ZNF300: variants seen among roughly 807,000 people sequenced by gnomAD.
ZNF300 encodes zinc finger protein 300.
ZNF300 carries 6 observed loss-of-function variants against 13.9 expected under a neutral mutation model. The observed-to-expected ratio is 0.43, with a 90% CI of 0.24 to 0.85. The LOEUF (loss-of-function observed/expected upper bound fraction) is 0.85. Among genes scored for constraint, ZNF300 ranks in the 40% least tolerant of loss-of-function variants. The pLI, the probability that ZNF300 is intolerant of heterozygous loss-of-function variation, is 0.25. For synonymous variants in ZNF300, 237 were observed against 242.2 expected (o/e 0.98, Z 0.20); for missense variants, 662 against 714.2 (o/e 0.93, Z 0.83).
At chr5:150,900,499 A>C (rs968950490) in intron 3 of ZNF300, 1 of 152,038 alleles carries the variant, frequency 6.6e-6, no homozygotes, top group African/African-American at 2.4e-5. Flanking sequence ...TCTGCTACAG[A>C]ACTTTTATGT....
chr5:150,902,331 TAAGA>T (rs1755019951), intron 3 of ZNF300, among the ~76,000 whole-genome samples: 2 of 152,192 alleles, frequency 1.3e-5, no homozygotes, highest in Non-Finnish European at 2.9e-5. Context: ...AAATATAATT[TAAGA>T]ATGGCTTTTT....
chr5:150,901,393 C>T (rs952248942), intron 3 of ZNF300, among the ~76,000 whole-genome samples: 3 of 151,986 alleles, frequency 2.0e-5, no homozygotes, highest in Admixed American at 1.3e-4. Context: ...GGAAATATAA[C>T]TTTGAAATCT....
At chr5:150,898,835 T>C (rs1416533892) in intron 3 of ZNF300, among the ~76,000 whole-genome samples, 1 of 151,906 alleles carries the variant, frequency 6.6e-6, no homozygotes, top group Non-Finnish European at 1.5e-5. Flanking sequence ...AAACAATGAA[T>C]AGTAAAGAGG....
Position 150,896,067 on chromosome 5 carries a change from G to GAA in ZNF300, c.1170_1171dup (p.Ser391PhefsTer7). 3.7e-6 allele frequency: 6 copies of GAA among 1,613,312 alleles called. No individual in the cohort carries two copies. The highest frequency in any genetic ancestry group is 5.1e-6 in the Non-Finnish European group (6 of 1,179,724). On this transcript the variant is annotated frameshift_variant, in exon 6 of 6. Transcript: ENST00000274599. LOFTEE classifies it low-confidence loss of function (END_TRUNC). ...GTGTATAATCAGCTGTGACTTCTGG[G>GAA]AAAAGGCCTTCCCACACTCTCTACA...
chr5:150,895,183 C>G lies in ZNF300; in HGVS notation c.*241G>C, dbSNP rs1331621177. On this transcript the variant is annotated 3_prime_UTR_variant, in exon 6 of 6. Coordinates refer to ENST00000274599, the MANE Select transcript of ZNF300 (RefSeq NM_052860.4). ...GACAATATTCTGTATGCTTAACTTG[C>G]TGTGCTGATCACTGAGTTCATAACT... is the stretch of plus-strand genomic sequence containing the variant. The G allele has an allele frequency of 2.5e-6, 1 of 395,766 alleles. No homozygotes were observed. Among genetic ancestry groups the G allele is most frequent in the Non-Finnish European group, 4.5e-6 (1 of 222,586 alleles). 24.5% of individuals were successfully genotyped at this position (395,766 alleles called of 1,614,324 possible). A position where few individuals can be genotyped will look rare whatever the true frequency, so the allele number is the denominator to read the frequency against.
chr5:150,895,975 A>G lies in ZNF300; in HGVS notation c.1264T>C (p.Ser422Pro), dbSNP rs1258447689. 3 of 1,613,496 alleles carry G rather than the reference A, an allele frequency of 1.9e-6. No individual in the cohort carries two copies. Among genetic ancestry groups the G allele is most frequent in the Admixed American group, 1.7e-5 (1 of 59,832 alleles). ...TECGKAFCEK[S>P]HLIIHKRIHT... ...ATTCTTTTATGTATAATGAGGTGGG[A>G]CTTCTCACAGAAGGCTTTCCCACAT... is the stretch of plus-strand genomic sequence containing the variant. The change falls in exon 6 of 6, where the codon TCC becomes CCC. Residue 422 changes from serine to proline, a missense_variant. Physicochemically the swap from Ser to Pro is moderately conservative, Grantham distance 74. Transcript: ENST00000274599.
chr5:150,903,474 T>C (rs776802679), intron 2 of ZNF300: 185 of 1,007,490 alleles, frequency 1.8e-4, no homozygotes, highest in Non-Finnish European at 2.6e-4. Context: ...CAACTTACTG[T>C]TCCCCTTGGG....
rs754025444 is a variant in ZNF300 at position 150,895,558 on chromosome 5, T to C, written c.1681A>G (p.Lys561Glu). The change falls in exon 6 of 6, where the codon AAG (lysine) becomes GAG (glutamate). Residue 561 changes from lysine (K) to glutamate (E), a missense_variant. Lys to Glu is a moderately conservative substitution (Grantham distance 56, BLOSUM62 1). Transcript: ENST00000274599. The stretch of plus-strand genomic sequence containing the variant: ...CTCTGATGTAAAACAAGGTCTGACT[T>C]CTGAGAAAAGGCCTTTCCACATTCA... Reference protein sequence around the residue: ...CAECGKAFSQKSDLVLHQRIH... With the variant: ...CAECGKAFSQESDLVLHQRIH... 6 of 1,613,466 alleles carry C rather than the reference T, an allele frequency of 3.7e-6. No homozygotes were observed.
At position 150,896,555 on chromosome 5, in the gene ZNF300, A is replaced by G; in HGVS notation, c.684T>C (p.Asn228=). The change falls in exon 6 of 6, where the codon AAT becomes AAC. Residue 228 remains asparagine (N), a synonymous_variant. Coordinates refer to ENST00000274599, the MANE Select transcript of ZNF300 (RefSeq NM_052860.4). ...CATTGTGAATCTTCTCAAGATTAGA[A>G]TTGGGCTCACTCTGGCTAGATGATT... The part of the protein sequence containing the change: ...GGKSSSQSEP[N]SNLEKIHNGV... 1 of 1,613,758 alleles carries G rather than the reference A, an allele frequency of 6.2e-7. No homozygotes were observed. Among genetic ancestry groups the G allele is most frequent in the Non-Finnish European group, 8.5e-7 (1 of 1,179,844 alleles).
intron 3 of ZNF300, among the ~76,000 whole-genome samples, chr5:150,901,492 A>C (rs994576648): frequency 2.0e-5 from 3 of 152,070 alleles, no homozygotes; most frequent in Non-Finnish European, 2.9e-5. Context: ...ATTAGACAGC[A>C]CGGCTCTAAA....
At chr5:150,899,763 C>T (rs1754928478) in intron 3 of ZNF300, among the ~76,000 whole-genome samples, 1 of 152,054 alleles carries the variant, frequency 6.6e-6, no homozygotes, top group Non-Finnish European at 1.5e-5. Flanking sequence ...CACCATTATC[C>T]TCACAATAGT....
chr5:150,901,592 G>A (rs1342844096), intron 3 of ZNF300, among the ~76,000 whole-genome samples: 1 of 151,932 alleles, frequency 6.6e-6, no homozygotes, highest in Non-Finnish European at 1.5e-5. Context: ...TATACACAAG[G>A]ACTCCTAATG....
chr5:150,900,958 A>C (rs745704337), intron 3 of ZNF300, among the ~76,000 whole-genome samples: 1 of 152,118 alleles, frequency 6.6e-6, no homozygotes, highest in Non-Finnish European at 1.5e-5. Flanking sequence ...ATAATCAGTG[A>C]AAAATTATAC....
At chr5:150,902,976 T>C (rs1755036727) in intron 3 of ZNF300, among the ~76,000 whole-genome samples, 165 bp downstream of exon 3, 1 of 152,236 alleles carries the variant, frequency 6.6e-6, no homozygotes, top group African/African-American at 2.4e-5. Context: ...TTTATAAAAA[T>C]GGTTGCCAGC....
rs1456387903 is a variant in ZNF300, at chr5:150,896,468, A to G, written c.771T>C (p.Ile257=). 1.9e-6 allele frequency: 3 copies of G among 1,613,522 alleles called. No individual in the cohort carries two copies. Residue 257 remains isoleucine, a synonymous_variant, in exon 6 of 6, where the codon ATT becomes ATC. Transcript: ENST00000274599. The stretch of plus-strand genomic sequence containing the variant: ...CTTTAGTTTCCACATTCTGATATTG[A>G]ATAAGGGATTGTGTATTTCTAAAAA... The part of the protein sequence containing the change: ...GNVFRNTQSL[I]QYQNVETKEK...
At position 150,904,524 on chromosome 5, in the gene ZNF300, G is replaced by T. The variant is rs1468268381; in HGVS notation, c.-142+180C>A. Among the ~76,000 whole-genome samples the T allele has an allele frequency of 2.0e-5, 3 of 151,948 alleles. No homozygotes were observed. In the East Asian group the frequency reaches 5.8e-4, roughly 29 times the overall value. On this transcript the variant is annotated intron_variant, in intron 1 of 5. Coordinates refer to ENST00000274599, the MANE Select transcript of ZNF300 (RefSeq NM_052860.4). ...AACCCACCAGTCAGTCCACCTGCAA[G>T]CCATTCCTGACCTAATAGACACCCC...
chr5:150,896,820 T>G lies in ZNF300; in HGVS notation c.419A>C (p.Asn140Thr), dbSNP rs929953875. 8.1e-6 allele frequency: 13 copies of G among 1,613,780 alleles called. No individual in the cohort carries two copies. The highest frequency in any genetic ancestry group is 1.1e-5 in the Non-Finnish European group (13 of 1,179,762). The change falls in exon 6 of 6, where the codon AAT becomes ACT. Residue 140 changes from asparagine (N) to threonine (T), a missense_variant. Physicochemically the swap from Asn to Thr is moderately conservative, Grantham distance 65 (BLOSUM62 0). Transcript: ENST00000274599. ...GACCTGCCTGAAGAGTTTGTCTTGA[T>G]TCTCTAGAAATCTCTGCAGCTGACC... ...GDGQLQRFLE[N>T]QDKLFRQVTF...
intron 3 of ZNF300, among the ~76,000 whole-genome samples, chr5:150,899,734 T>C (rs1027164340): frequency 2.6e-5 from 4 of 152,132 alleles, no homozygotes; most frequent in Admixed American, 6.5e-5. Context: ...GGAGGGAACA[T>C]TGACTATTTT....
rs1481530440 is a variant in ZNF300, at chr5:150,895,391, A to G, written c.*33T>C. 2 of 1,483,922 alleles carry G rather than the reference A, an allele frequency of 1.3e-6. No homozygotes were observed. The highest frequency in any genetic ancestry group is 2.0e-5 in the Admixed American group (1 of 49,196). The allele number at this position is 1,483,922 out of a possible 1,614,324, so 91.9% of individuals were successfully genotyped here. Reference sequence around the variant, plus strand: ...GGTTTCTAGTAATTATTAAGGCTTGAGCTAATACTAAGGCTTTTCTGTGGC... The same window carrying G: ...GGTTTCTAGTAATTATTAAGGCTTGGGCTAATACTAAGGCTTTTCTGTGGC... On this transcript the variant is annotated 3_prime_UTR_variant, in exon 6 of 6. Transcript: ENST00000274599.
Sources: allele counts gnomAD v4.1 joint callset (sites outside exome capture counted in the v4.1 genomes callset), GRCh38; gene constraint gnomAD v4.1.1; transcripts MANE v1.5; gene names NCBI Gene and HGNC (gene_info 2026-07-23, HGNC 2026-07-21).